GGA3: variants seen among roughly 807,000 people sequenced by gnomAD.
The protein encoded by GGA3 is golgi associated, gamma adaptin ear containing, ARF binding protein 3, also known as ADP-ribosylation factor-binding protein GGA3.
A neutral mutation model predicts 77.5 loss-of-function variants in GGA3; 57 were observed. The observed-to-expected ratio is 0.74, with a 90% CI of 0.59 to 0.92. GGA3 has a LOEUF of 0.92. GGA3 is among the 40% of genes least tolerant of loss of function. The pLI, the probability that GGA3 is intolerant of heterozygous loss-of-function variation, is 0.00. For synonymous variants in GGA3, 416 were observed against 383.7 expected (o/e 1.08, Z -0.98); for missense variants, 970 against 914.9 (o/e 1.06, Z -0.78).
At position 75,239,471 on chromosome 17, in the gene GGA3, A is replaced by G; in HGVS notation, c.1684T>C (p.Phe562Leu). The change falls in exon 14 of 17, where the codon TTC (phenylalanine) becomes CTC (leucine). Residue 562 changes from phenylalanine to leucine, a missense_variant. Physicochemically the swap from Phe to Leu is conservative, Grantham distance 22. Transcript: ENST00000537686. ...PFSTGPGSPL[F>L]QPLSFQSQGS... is the part of the protein sequence containing the mutation. ...TGGGACTGGAAACTCAGTGGCTGGAAGAGCGGGCTGCCGGGCCCCGTGGAG... is the reference window on the plus strand; with the variant it reads ...TGGGACTGGAAACTCAGTGGCTGGAGGAGCGGGCTGCCGGGCCCCGTGGAG... 6.3e-7 allele frequency: 1 copy of G among 1,581,288 alleles called. No homozygotes were observed.
chr17:75,243,362 C>G, intron 5 of GGA3, 85 bp downstream of exon 5: 1 of 1,542,798 alleles, frequency 6.5e-7, no homozygotes, highest in Non-Finnish European at 8.9e-7. Flanking sequence ...AGGAGGGACT[C>G]TGGGGATCCC....
At chr17:75,244,062 A>AT (rs2076669953) in intron 4 of GGA3, among the ~76,000 whole-genome samples, 1 of 152,086 alleles carries the variant, frequency 6.6e-6, no homozygotes, top group African/African-American at 2.4e-5. Flanking sequence ...GGTGCAGGCC[A>AT]TGGTTGGGTG....
At chr17:75,243,011 T>C in intron 6 of GGA3, 52 bp downstream of exon 6, 1 of 1,513,628 alleles carries the variant, frequency 6.6e-7, no homozygotes, top group Non-Finnish European at 9.2e-7. Flanking sequence ...CACATTCCCC[T>C]GCTGCCACCC....
At chr17:75,261,793 G>A (rs568033120), upstream of GGA3, 13 of 1,271,300 alleles carry the variant, frequency 1.0e-5, no homozygotes, top group South Asian at 1.2e-4. Flanking sequence ...CCAGATCAGT[G>A]GAGAGAAACG....
chr17:75,261,948 G>A (rs746908713), upstream of GGA3: 19 of 1,608,348 alleles, frequency 1.2e-5, no homozygotes, highest in Non-Finnish European at 1.4e-5. Context: ...CGGGCCTGGC[G>A]TTGGGCGTGC....
chr17:75,237,717 T>C lies in GGA3; in HGVS notation c.*562A>G. On this transcript the variant is annotated 3_prime_UTR_variant, in exon 17 of 17. Transcript: ENST00000537686. ...CGATGCTGTCCACCAGAGGCAGGGC[T>C]GGGGACTTTGCAGTATGCCAGTTCC... 1 of 1,444,328 alleles carries C rather than the reference T, an allele frequency of 6.9e-7. No homozygotes were observed. The highest frequency in any genetic ancestry group is 9.1e-7 in the Non-Finnish European group (1 of 1,101,402). The allele number at this position is 1,444,328 out of a possible 1,614,324, so 89.5% of individuals were successfully genotyped here.
At chr17:75,254,629 C>G (rs905337055) in intron 1 of GGA3, among the ~76,000 whole-genome samples, 8 of 152,250 alleles carry the variant, frequency 5.3e-5, no homozygotes, top group African/African-American at 1.7e-4. Flanking sequence ...AAATTAAATT[C>G]CGGCCCTCAA....
chr17:75,239,145 C>A (rs961565252), intron 14 of GGA3, 62 bp from the exon 15 acceptor site: 43 of 1,486,702 alleles, frequency 2.9e-5, no homozygotes, highest in Non-Finnish European at 3.9e-5. Flanking sequence ...AGAGCCCCGG[C>A]GGTGAGGAGA....
rs543537775 is a variant in GGA3 at position 75,242,369 on chromosome 17, C to G, written c.714G>C (p.Glu238Asp). 6 of 1,614,168 alleles carry G rather than the reference C, an allele frequency of 3.7e-6. No individual in the cohort carries two copies. Among genetic ancestry groups the G allele is most frequent in the South Asian group, 1.1e-5 (1 of 91,090 alleles). Residue 238 changes from glutamate to aspartate, a missense_variant, in exon 8 of 17, where the codon GAG (glutamate) becomes GAC (aspartate). Coordinates refer to ENST00000537686, the MANE Select transcript of GGA3 (RefSeq NM_138619.4). ...LSEMLLHYSQ[E>D]DSSDGDRELM... ...GCTCTCTGTCCCCGTCCGAAGAGTC[C>G]TCCTGGCTGTAATGAAGCAGCATCT...
intron 1 of GGA3, chr17:75,249,094 G>A: frequency 5.8e-6 from 4 of 694,638 alleles, no homozygotes; most frequent in Non-Finnish European, 7.1e-6. Flanking sequence ...CACCCAGGCT[G>A]GAGTGCAGTG....
intron 14 of GGA3, 45 bp downstream of exon 14, chr17:75,239,330 C>G: frequency 1.4e-6 from 2 of 1,450,108 alleles, no homozygotes; most frequent in Non-Finnish European, 1.9e-6. Flanking sequence ...AGCTCCGTGG[C>G]TATAGGCCCC....
Position 75,246,544 on chromosome 17 carries a change from A to C in GGA3, c.166T>G (p.Ser56Ala), listed in dbSNP as rs767164476. Residue 56 changes from serine (S) to alanine (A), a missense_variant, in exon 3 of 17, where the codon TCC becomes GCC. By Grantham distance (99) the Ser-to-Ala change is moderately conservative. Coordinates refer to ENST00000537686, the MANE Select transcript of GGA3 (RefSeq NM_138619.4). ...AVRLLAHKIQ[S>A]PQEWEALQAL... ...TGGAGCGCCTCCCATTCCTGTGGGG[A>C]CTGGATCTTGTGGGCCAGCAGTCGG... 6.2e-7 allele frequency: 1 copy of C among 1,613,774 alleles called. No individual in the cohort carries two copies. The highest frequency in any genetic ancestry group is 1.1e-5 in the South Asian group (1 of 91,070).
At chr17:75,246,000 G>A (rs1248465551) in intron 3 of GGA3, among the ~76,000 whole-genome samples, 3 of 152,248 alleles carry the variant, frequency 2.0e-5, no homozygotes, top group Non-Finnish European at 2.9e-5. Context: ...CTGAGGGCCA[G>A]GCACCATTCC....
Position 75,243,180 on chromosome 17 carries a change from T to C in GGA3, c.425-14A>G, listed in dbSNP as rs201641622. 8.6e-5 allele frequency: 135 copies of C among 1,562,218 alleles called. No individual in the cohort carries two copies. The highest frequency in any genetic ancestry group is 6.5e-4 in the East Asian group (29 of 44,620). On this transcript the variant is annotated splice_polypyrimidine_tract_variant and intron_variant, in intron 5 of 16. Transcript: ENST00000537686. ...ACTGCACTATGCCTGAAAGGGGACA[T>C]GGCAGCACGTGCACTCAGGCTGTGG... is the stretch of plus-strand genomic sequence containing the variant.
In GGA3 at chr17:75,237,533, C is replaced by T. The variant is rs909760553; in HGVS notation, c.*746G>A. 3 of 1,535,854 alleles carry T rather than the reference C, an allele frequency of 2.0e-6. No homozygotes were observed. The African/African-American group carries it at 4.1e-5, about 21-fold the overall frequency. On this transcript the variant is annotated 3_prime_UTR_variant, in exon 17 of 17. Transcript: ENST00000537686. ...TTCCCAGAAAGCTGAGTACCTGCTT[C>T]TGGAGAAGGGGAAATACTGGCTCTC...
At chr17:75,254,721 G>T (rs188220858) in intron 1 of GGA3, among the ~76,000 whole-genome samples, 1 of 152,072 alleles carries the variant, frequency 6.6e-6, no homozygotes, top group Non-Finnish European at 1.5e-5. Context: ...ACATATTTCT[G>T]AGTTGCAATT....
chr17:75,239,022 G>A lies in GGA3; in HGVS notation c.1842C>T (p.Ala614=). ...CAGGTCGTCCTGGGGGACACTCCTT[G>A]GCAAAGTGGAAGAGGATGCGGAAGC... ...KNGFRILFHF[A]KECPPGRPDV... Residue 614 remains alanine (A), a synonymous_variant, in exon 15 of 17, where the codon GCC becomes GCT. Transcript: ENST00000537686. The A allele has an allele frequency of 3.1e-6, 5 of 1,614,088 alleles. No individual in the cohort carries two copies. The highest frequency in any genetic ancestry group is 4.2e-6 in the Non-Finnish European group (5 of 1,180,014).
intron 12 of GGA3, 69 bp downstream of exon 12, chr17:75,240,273 C>T (rs902077482): frequency 1.6e-5 from 20 of 1,226,868 alleles, no homozygotes; most frequent in Non-Finnish European, 2.1e-5. Flanking sequence ...AACTGCAGCC[C>T]AGGAGACATG....
At chr17:75,248,941 T>A in intron 1 of GGA3, 1 of 985,362 alleles carries the variant, frequency 1.0e-6, no homozygotes. Context: ...GGAAGGCCCG[T>A]GGCACCCAGT....
Sources: allele counts gnomAD v4.1 joint callset (sites outside exome capture counted in the v4.1 genomes callset), GRCh38; gene constraint gnomAD v4.1.1; transcripts MANE v1.5; gene names NCBI Gene and HGNC (gene_info 2026-07-23, HGNC 2026-07-21).